The following EPHA6 variants were observed in gnomAD, a reference collection of about 807,000 sequenced individuals.
The protein encoded by EPHA6 is EPH receptor A6.
In EPHA6, 50 loss-of-function variants were observed where a neutral mutation model predicts 112.0. That is an observed-to-expected ratio of 0.45 (90% CI 0.36 to 0.56). The LOEUF (loss-of-function observed/expected upper bound fraction) is 0.56. Among genes scored for constraint, EPHA6 ranks in the 20% least tolerant of loss-of-function variants. The pLI, the probability that EPHA6 is intolerant of heterozygous loss-of-function variation, is 0.00. For synonymous variants in EPHA6, 529 were observed against 490.7 expected (o/e 1.08, Z -1.03); for missense variants, 1,280 against 1,417.4 (o/e 0.90, Z 1.56).
chr3:96,903,644 T>C lies in EPHA6; in HGVS notation c.450+36755T>C, dbSNP rs148334856. Among the ~76,000 whole-genome samples the C allele has an allele frequency of 5.4e-3, 824 of 152,240 alleles. 6 individuals carry two copies. Among genetic ancestry groups the C allele is most frequent in the Non-Finnish European group, 9.4e-3 (636 of 68,008 alleles). On this transcript the variant is annotated intron_variant, in intron 2 of 17. Transcript: ENST00000389672. Reference sequence around the variant, plus strand: ...ATTTTAATAATTTTTTAAACAATTTTAGAGAAATAGTTTTGCAATCTAGGC... The same window carrying C: ...ATTTTAATAATTTTTTAAACAATTTCAGAGAAATAGTTTTGCAATCTAGGC...
intron 2 of EPHA6, among the ~76,000 whole-genome samples, chr3:96,924,089 A>AT (rs1199999067): frequency 6.6e-6 from 1 of 151,786 alleles, no homozygotes; most frequent in Admixed American, 6.6e-5. Flanking sequence ...ATACCTCTAG[A>AT]TTTTTTCTTT....
chr3:97,290,960 C>G (rs1262435658), intron 5 of EPHA6, among the ~76,000 whole-genome samples: 1 of 151,776 alleles, frequency 6.6e-6, no homozygotes, highest in Non-Finnish European at 1.5e-5. Context: ...TTTTCAGTTC[C>G]CTGAGGTTCA....
At chr3:97,328,143 C>CA (rs1450126070) in intron 5 of EPHA6, among the ~76,000 whole-genome samples, 2 of 145,910 alleles carry the variant, frequency 1.4e-5, no homozygotes, top group South Asian at 2.1e-4. Context: ...AGTTATTAAA[C>CA]AAAAAAACAG....
At chr3:97,203,783 T>C (rs1245072402) in intron 3 of EPHA6, among the ~76,000 whole-genome samples, 4 of 152,164 alleles carry the variant, frequency 2.6e-5, no homozygotes, top group Admixed American at 2.6e-4. Flanking sequence ...AGAAGAGTGA[T>C]GTGGAAGAAG....
chr3:96,907,654 T>A (rs1014561941), intron 2 of EPHA6, among the ~76,000 whole-genome samples: 2 of 151,942 alleles, frequency 1.3e-5, no homozygotes, highest in African/African-American at 4.8e-5. Flanking sequence ...TTTCATGTTT[T>A]TAAGTCAACG....
At chr3:96,887,788 T>A (rs1489024670) in intron 2 of EPHA6, among the ~76,000 whole-genome samples, 1 of 150,394 alleles carries the variant, frequency 6.6e-6, no homozygotes, top group African/African-American at 2.5e-5. Context: ...GGGATGGGGG[T>A]GAGATTCCCA....
intron 7 of EPHA6, among the ~76,000 whole-genome samples, chr3:97,450,383 C>G (rs1265718797): frequency 6.6e-6 from 1 of 151,992 alleles, no homozygotes; most frequent in Non-Finnish European, 1.5e-5. Flanking sequence ...TTTTGCACTT[C>G]TCTTACTTTA....
At chr3:96,899,805 G>C (rs1038535273) in intron 2 of EPHA6, among the ~76,000 whole-genome samples, 1 of 152,148 alleles carries the variant, frequency 6.6e-6, no homozygotes, top group African/African-American at 2.4e-5. Context: ...ATACAACACA[G>C]AGAAGAATAA....
At chr3:97,131,705 A>T (rs2075626923) in intron 3 of EPHA6, among the ~76,000 whole-genome samples, 1 of 152,156 alleles carries the variant, frequency 6.6e-6, no homozygotes, top group African/African-American at 2.4e-5. Flanking sequence ...AGCAGAGAGG[A>T]TCAGAAAGTT....
chr3:97,732,668 C>A (rs2035088384), intron 15 of EPHA6, among the ~76,000 whole-genome samples: 1 of 151,976 alleles, frequency 6.6e-6, no homozygotes, highest in African/African-American at 2.4e-5. Flanking sequence ...GCAGGTTAAA[C>A]CTCTTGTTAT....
chr3:96,831,214 C>T (rs2034055130), intron 1 of EPHA6, among the ~76,000 whole-genome samples: 2 of 151,936 alleles, frequency 1.3e-5, no homozygotes, highest in Non-Finnish European at 2.9e-5. Flanking sequence ...GATTTTGCTT[C>T]TTCATTTATC....
At chr3:97,610,709 G>T in intron 12 of EPHA6, 84 bp from the exon 13 acceptor site, 1 of 1,032,306 alleles carries the variant, frequency 9.7e-7, no homozygotes, top group Non-Finnish European at 1.5e-6. Context: ...AAATAATTTA[G>T]TTGCCACAGC....
intron 11 of EPHA6, among the ~76,000 whole-genome samples, chr3:97,556,774 TCTA>T (rs1302530235): frequency 6.6e-6 from 1 of 152,034 alleles, no homozygotes; most frequent in Non-Finnish European, 1.5e-5. Flanking sequence ...ACTTTGTAAA[TCTA>T]CTAAAAATCA....
At chr3:97,003,788 AC>A (rs551821028) in intron 3 of EPHA6, among the ~76,000 whole-genome samples, 1 of 59,796 alleles carries the variant, frequency 1.7e-5, no homozygotes, top group Non-Finnish European at 3.3e-5. Context: ...CCTTCCCCTC[AC>A]CCCCCCACCC....
intron 3 of EPHA6, among the ~76,000 whole-genome samples, chr3:97,071,080 G>A (rs1280124189): frequency 5.3e-5 from 8 of 151,854 alleles, no homozygotes; most frequent in Admixed American, 5.3e-4. Context: ...TCCTTTGTTT[G>A]TCAGTAATTC....
intron 3 of EPHA6, among the ~76,000 whole-genome samples, chr3:96,999,347 A>G (rs1427186390): frequency 6.6e-6 from 1 of 151,992 alleles, no homozygotes; most frequent in Non-Finnish European, 1.5e-5. Context: ...GTTGACAGGT[A>G]GTTCTGCTTC....
rs527836755 is a variant in EPHA6 at position 97,018,673 on chromosome 3, G to A, written c.1114+30680G>A. 6.7e-4 allele frequency among the ~76,000 whole-genome samples: 102 copies of A among 152,312 alleles called. 2 individuals carry two copies. In the South Asian group the frequency reaches 0.017, roughly 26 times the overall value. On this transcript the variant is annotated intron_variant, in intron 3 of 17. Coordinates refer to ENST00000389672, the MANE Select transcript of EPHA6 (RefSeq NM_001080448.3). ...GGTGTACAGGATGGAACATGAAGGCGGACTAGGAGCATGACCACTGAAGCA... is the reference window on the plus strand; with the variant it reads ...GGTGTACAGGATGGAACATGAAGGCAGACTAGGAGCATGACCACTGAAGCA...
chr3:97,423,434 A>G (rs998914971), intron 6 of EPHA6, among the ~76,000 whole-genome samples: 5 of 152,210 alleles, frequency 3.3e-5, no homozygotes, highest in African/African-American at 7.2e-5. Context: ...ACCTAAGAAT[A>G]CATCTAGCCA....
chr3:96,872,403 A>T (rs879161161), intron 2 of EPHA6, among the ~76,000 whole-genome samples: 1 of 152,076 alleles, frequency 6.6e-6, no homozygotes, highest in Non-Finnish European at 1.5e-5. Context: ...TGGCTTCCAA[A>T]GTTGCTGTCT....
Sources: allele counts gnomAD v4.1 joint callset (sites outside exome capture counted in the v4.1 genomes callset), GRCh38; gene constraint gnomAD v4.1.1; transcripts MANE v1.5; gene names NCBI Gene and HGNC (gene_info 2026-07-23, HGNC 2026-07-21).